Variants in HDAC4 observed in about 807,000 individuals in gnomAD.
The protein encoded by HDAC4 is histone deacetylase 4.
Under a neutral mutation model 135.1 loss-of-function variants are expected in HDAC4, and 16 were observed. That is an observed-to-expected ratio of 0.12 (90% CI 0.08 to 0.18). The LOEUF is 0.18. HDAC4 is among the 10% of genes least tolerant of loss of function. The pLI is 1.00. For synonymous variants in HDAC4, 685 were observed against 653.4 expected (o/e 1.05, Z -0.74); for missense variants, 1,143 against 1,511.8 (o/e 0.76, Z 4.05).
At chr2:239,182,276 C>T (rs1460540668) in intron 4 of HDAC4, among the ~76,000 whole-genome samples, 1 of 152,232 alleles carries the variant, frequency 6.6e-6, no homozygotes, top group Non-Finnish European at 1.5e-5. Flanking sequence ...AGCCCCTCCC[C>T]TCTGGCTGTC....
rs542493225 is a variant in HDAC4 at position 239,220,392 on chromosome 2, AG to A, written c.94+16200del. ...ATAAAAACATTAGACTCAAAAAGTT[AG>A]AAAAATAACTAGAAAATTAAAGCAT... is the stretch of plus-strand genomic sequence containing the variant. On this transcript the variant is annotated intron_variant, in intron 3 of 26. Coordinates refer to ENST00000543185, the MANE Select transcript of HDAC4 (RefSeq NM_001378414.1). 8.7e-4 allele frequency among the ~76,000 whole-genome samples: 132 copies of A among 152,362 alleles called. 1 individual carries two copies. Among genetic ancestry groups the A allele is most frequent in the African/African-American group, 2.8e-3 (116 of 41,568 alleles).
rs1692966636 is a variant in HDAC4 at position 239,349,493 on chromosome 2, C to T, written c.22+3185G>A. On this transcript the variant is annotated intron_variant, in intron 2 of 26. Coordinates refer to ENST00000543185, the MANE Select transcript of HDAC4 (RefSeq NM_001378414.1). This position sits in a 1 kb window ranked among gnomAD's most constrained non-coding sequence, Gnocchi z 5.7. ...CCTGGGAGCGGACGGACAGGTGCATCAGCTGACAAGAAACACAGAGGAACT... is the reference window on the plus strand; with the variant it reads ...CCTGGGAGCGGACGGACAGGTGCATTAGCTGACAAGAAACACAGAGGAACT... Among the ~76,000 whole-genome samples, 1 of 152,234 alleles carries T rather than the reference C, an allele frequency of 6.6e-6. No individual in the cohort carries two copies. Among genetic ancestry groups the T allele is most frequent in the African/African-American group, 2.4e-5 (1 of 41,460 alleles).
intron 11 of HDAC4, among the ~76,000 whole-genome samples, chr2:239,133,149 A>G (rs2040715276): frequency 6.6e-6 from 1 of 152,228 alleles, no homozygotes; most frequent in Non-Finnish European, 1.5e-5. Context: ...CAAAGAAGGA[A>G]TAAGAAGGAA....
intron 1 of HDAC4, among the ~76,000 whole-genome samples, chr2:239,388,226 G>C (rs1695955871): frequency 6.6e-6 from 1 of 152,222 alleles, no homozygotes; most frequent in Non-Finnish European, 1.5e-5. Flanking sequence ...AAACCCTGAA[G>C]TCTGCTTTGC....
intron 4 of HDAC4, among the ~76,000 whole-genome samples, chr2:239,183,060 G>T (rs2044255472): frequency 6.6e-6 from 1 of 152,210 alleles, no homozygotes; most frequent in African/African-American, 2.4e-5. Context: ...CTGTTGGGAA[G>T]CAATTTTTTG....
intron 3 of HDAC4, among the ~76,000 whole-genome samples, chr2:239,222,795 G>T (rs940211962): frequency 2.3e-5 from 3 of 128,596 alleles, no homozygotes; most frequent in Admixed American, 7.1e-5. Context: ...TTTGCTTTGT[G>T]ATCTCCTTTC....
chr2:239,162,107 G>A lies in HDAC4; in HGVS notation c.611+1696C>T, dbSNP rs1204732024. The A allele has an allele frequency of 6.6e-6, 3 of 456,550 alleles. No individual in the cohort carries two copies. In the East Asian group the frequency reaches 2.1e-4, roughly 32 times the overall value. 28.3% of individuals were successfully genotyped at this position (456,550 alleles called of 1,614,324 possible). A position where few individuals can be genotyped will look rare whatever the true frequency, so the allele number is the denominator to read the frequency against. On this transcript the variant is annotated intron_variant, in intron 6 of 26. Transcript: ENST00000543185. ...CTCTGGGGGCTGCCCTGTGCTCACC[G>A]TGACCCCTGCTTCCCAGCAGCCCCA...
At chr2:239,234,122 C>T (rs1007298338) in intron 3 of HDAC4, among the ~76,000 whole-genome samples, 3 of 152,168 alleles carry the variant, frequency 2.0e-5, no homozygotes, top group South Asian at 2.1e-4. Context: ...TGAAAGAACA[C>T]GCTTCACATT....
chr2:239,292,078 G>A (rs566960953), intron 2 of HDAC4, among the ~76,000 whole-genome samples: 176 of 152,032 alleles, frequency 1.2e-3, no homozygotes, highest in African/African-American at 4.1e-3. Flanking sequence ...GGGGCTGCGC[G>A]CACAGCCCAG....
chr2:239,089,887 G>C, intron 18 of HDAC4, 122 bp downstream of exon 18: 1 of 764,170 alleles, frequency 1.3e-6, no homozygotes, highest in South Asian at 1.4e-5. Flanking sequence ...TGGGGTCCAC[G>C]CCTCCCCATC....
intron 3 of HDAC4, 78 bp from the exon 4 acceptor site, chr2:239,190,155 A>G: frequency 8.9e-7 from 1 of 1,128,946 alleles, no homozygotes. Flanking sequence ...CACCCAACAC[A>G]CTGGCCACCT....
At chr2:239,290,611 G>A (rs536664809) in intron 2 of HDAC4, among the ~76,000 whole-genome samples, 1 of 152,102 alleles carries the variant, frequency 6.6e-6, no homozygotes, top group South Asian at 2.1e-4. Context: ...AGGCACGTGC[G>A]CACAAGCAGT....
At chr2:239,359,068 A>T (rs976396220) in intron 1 of HDAC4, among the ~76,000 whole-genome samples, 5 of 150,516 alleles carry the variant, frequency 3.3e-5, no homozygotes, top group Admixed American at 1.3e-4. Flanking sequence ...ATTTTAAGTA[A>T]AAAAAAAGTG....
At chr2:239,072,032 A>C (rs952837244) in intron 22 of HDAC4, among the ~76,000 whole-genome samples, 4 of 152,198 alleles carry the variant, frequency 2.6e-5, no homozygotes, top group Non-Finnish European at 5.9e-5. Context: ...ATCCATTTGT[A>C]AACTGCTGAT....
chr2:239,399,365 A>T (rs1696785260), intron 1 of HDAC4, among the ~76,000 whole-genome samples: 1 of 152,158 alleles, frequency 6.6e-6, no homozygotes, highest in Admixed American at 6.5e-5. Flanking sequence ...ATTTGTGTAC[A>T]AGCAGCTGAG....
At chr2:239,191,537 C>T (rs889888171) in intron 3 of HDAC4, among the ~76,000 whole-genome samples, 1 of 152,250 alleles carries the variant, frequency 6.6e-6, no homozygotes, top group African/African-American at 2.4e-5. Context: ...GGTCCTGGTC[C>T]CAGGACTCAG....
intron 16 of HDAC4, among the ~76,000 whole-genome samples, chr2:239,099,884 G>A (rs6761279): frequency 0.29 from 44,522 of 152,182 alleles, 6,726 homozygotes; most frequent in Non-Finnish European, 0.33. Flanking sequence ...CTGGGACAGC[G>A]TGTCCTCCGG....
At chr2:239,173,868 C>T (rs1160247782) in intron 5 of HDAC4, among the ~76,000 whole-genome samples, 1 of 152,106 alleles carries the variant, frequency 6.6e-6, no homozygotes, top group Non-Finnish European at 1.5e-5. Context: ...AAAAACCAAG[C>T]CATTCACAAT....
At chr2:239,256,300 G>GCAGAGGT (rs1432072521) in intron 2 of HDAC4, among the ~76,000 whole-genome samples, 3 of 152,254 alleles carry the variant, frequency 2.0e-5, no homozygotes, top group Non-Finnish European at 4.4e-5. Context: ...ATTTACTTCT[G>GCAGAGGT]CAGAGGTCTG....
Sources: allele counts gnomAD v4.1 joint callset (sites outside exome capture counted in the v4.1 genomes callset), GRCh38; gene constraint gnomAD v4.1.1; non-coding constraint Gnocchi (gnomAD v3.1); transcripts MANE v1.5; gene names NCBI Gene and HGNC (gene_info 2026-07-23, HGNC 2026-07-21).